OIT3: variants seen among roughly 807,000 people sequenced by gnomAD.
OIT3 encodes oncoprotein induced transcript 3, also known as oncoprotein-induced transcript 3 protein.
A neutral mutation model predicts 52.2 loss-of-function variants in OIT3; 41 were observed. The observed-to-expected ratio is 0.79, with a 90% CI of 0.61 to 1.02. The LOEUF (loss-of-function observed/expected upper bound fraction) is 1.02. Among genes scored for constraint, OIT3 ranks in the 50% least tolerant of loss-of-function variants. The pLI, the probability that OIT3 is intolerant of heterozygous loss-of-function variation, is 0.00. For synonymous variants in OIT3, 244 were observed against 276.9 expected (o/e 0.88, Z 1.18); for missense variants, 634 against 715.5 (o/e 0.89, Z 1.30).
chr10:72,924,224 C>A lies in OIT3; in HGVS notation c.952-5C>A. On this transcript the variant is annotated splice_polypyrimidine_tract_variant and splice_region_variant and intron_variant, in intron 6 of 8. Coordinates refer to ENST00000334011, the MANE Select transcript of OIT3 (RefSeq NM_152635.3). ...CTTTCCTCTCCTCACCCTGGCCTGG[C>A]TCAGGTGGTGAATGACAAGATTGTG... 6.3e-7 allele frequency: 1 copy of A among 1,584,914 alleles called. No homozygotes were observed. Among genetic ancestry groups the A allele is most frequent in the Non-Finnish European group, 8.6e-7 (1 of 1,161,978 alleles).
At chr10:72,901,608 T>TTGTA (rs766578144) in intron 3 of OIT3, among the ~76,000 whole-genome samples, 6 of 152,004 alleles carry the variant, frequency 3.9e-5, no homozygotes, top group Non-Finnish European at 7.4e-5. Context: ...TTATTGGTTT[T>TTGTA]TGTTTGTTTG....
intron 4 of OIT3, among the ~76,000 whole-genome samples, chr10:72,907,238 A>C (rs1589523176): frequency 6.6e-6 from 1 of 152,052 alleles, no homozygotes; most frequent in Non-Finnish European, 1.5e-5. Context: ...GCGCCACTGC[A>C]CTCCAGCCTG....
At position 72,915,240 on chromosome 10, in the gene OIT3, T is replaced by C. The variant is rs193191783; in HGVS notation, c.951+1772T>C. On this transcript the variant is annotated intron_variant, in intron 6 of 8. Coordinates refer to ENST00000334011, the MANE Select transcript of OIT3 (RefSeq NM_152635.3). ...AGCTAGGCGGTATAATACCAATAGT[T>C]AGAATATAAAGCCATGTATAATAAT... Among the ~76,000 whole-genome samples the C allele has an allele frequency of 1.5e-4, 23 of 152,272 alleles. No homozygotes were observed. In the East Asian group the frequency reaches 4.0e-3, roughly 27 times the overall value.
intron 4 of OIT3, 88 bp from the exon 5 acceptor site, chr10:72,911,629 G>A (rs1366482794): frequency 8.4e-6 from 12 of 1,425,850 alleles, no homozygotes; most frequent in African/African-American, 1.4e-5. Flanking sequence ...GCTGCCATAA[G>A]TTAAGTATAA....
At chr10:72,932,319 A>G (rs1423967613) in intron 8 of OIT3, 35 bp from the exon 9 acceptor site, 1 of 1,602,752 alleles carries the variant, frequency 6.2e-7, no homozygotes, top group South Asian at 1.1e-5. Flanking sequence ...GGCAGCAGTT[A>G]TTGTTTTTAT....
chr10:72,915,843 C>T (rs935354842), intron 6 of OIT3, among the ~76,000 whole-genome samples: 7 of 152,192 alleles, frequency 4.6e-5, no homozygotes, highest in Non-Finnish European at 8.8e-5. Flanking sequence ...TGGGAATGTG[C>T]CACTGTGCAC....
intron 7 of OIT3, among the ~76,000 whole-genome samples, chr10:72,927,370 C>A (rs1489850412): frequency 1.3e-5 from 2 of 152,174 alleles, no homozygotes; most frequent in Non-Finnish European, 2.9e-5. Flanking sequence ...GAACTCCTGA[C>A]CTCAGGTGAT....
intron 6 of OIT3, among the ~76,000 whole-genome samples, chr10:72,918,852 A>G (rs1389564499): frequency 6.6e-6 from 1 of 152,102 alleles, no homozygotes; most frequent in East Asian, 1.9e-4. Flanking sequence ...TTGTACCAAT[A>G]CCATGCTGTT....
intron 7 of OIT3, among the ~76,000 whole-genome samples, chr10:72,925,288 G>A (rs534263084): frequency 2.6e-5 from 4 of 152,316 alleles, no homozygotes; most frequent in African/African-American, 7.2e-5. Context: ...CCTGCAGGAT[G>A]TCTAGGAAGA....
chr10:72,911,930 G>C (rs771452535), intron 5 of OIT3, 91 bp downstream of exon 5: 8 of 1,208,430 alleles, frequency 6.6e-6, no homozygotes, highest in Non-Finnish European at 9.1e-6. Flanking sequence ...AGTGTGTCAG[G>C]GTTCTCATCT....
chr10:72,911,855 G>A lies in OIT3; in HGVS notation c.790+16G>A. On this transcript the variant is annotated intron_variant, in intron 5 of 8. Coordinates refer to ENST00000334011, the MANE Select transcript of OIT3 (RefSeq NM_152635.3). Reference sequence around the variant, plus strand: ...ACTTGCCAAGGTAGTACATGGGGCAGGGGGACTTGTCTCTACTCTGATTAC... The same window carrying A: ...ACTTGCCAAGGTAGTACATGGGGCAAGGGGACTTGTCTCTACTCTGATTAC... The A allele has an allele frequency of 6.2e-7, 1 of 1,606,980 alleles. No individual in the cohort carries two copies. Among genetic ancestry groups the A allele is most frequent in the Non-Finnish European group, 8.5e-7 (1 of 1,176,830 alleles).
In OIT3 at chr10:72,932,665, T is replaced by G; in HGVS notation, c.*141T>G. 2.8e-6 allele frequency: 2 copies of G among 707,316 alleles called. No individual in the cohort carries two copies. Among genetic ancestry groups the G allele is most frequent in the Non-Finnish European group, 4.6e-6 (2 of 437,514 alleles). 43.8% of individuals were successfully genotyped at this position (707,316 alleles called of 1,614,324 possible). A position where few individuals can be genotyped will look rare whatever the true frequency, so the allele number is the denominator to read the frequency against. ...TCAGACTCCCAGCACCAACTCACTCTGATTCTGGTCCATTCAGTGGGCACA... is the reference window on the plus strand; with the variant it reads ...TCAGACTCCCAGCACCAACTCACTCGGATTCTGGTCCATTCAGTGGGCACA... On this transcript the variant is annotated 3_prime_UTR_variant, in exon 9 of 9. Coordinates refer to ENST00000334011, the MANE Select transcript of OIT3 (RefSeq NM_152635.3).
At chr10:72,914,076 G>A (rs79368239) in intron 6 of OIT3, among the ~76,000 whole-genome samples, 62 of 152,286 alleles carry the variant, frequency 4.1e-4, no homozygotes, top group African/African-American at 1.3e-3. Context: ...GTGGGACTTG[G>A]ATCCAGGTGG....
intron 2 of OIT3, among the ~76,000 whole-genome samples, chr10:72,899,691 A>AAGAT (rs1189592013): frequency 5.3e-4 from 78 of 147,638 alleles, no homozygotes; most frequent in African/African-American, 1.9e-3. Flanking sequence ...ACCCCTTTTT[A>AAGAT]AGATAGATAG....
intron 6 of OIT3, 47 bp downstream of exon 6, chr10:72,913,515 AT>A (rs1846048982): frequency 6.7e-7 from 1 of 1,498,520 alleles, no homozygotes; most frequent in Non-Finnish European, 9.2e-7. Context: ...AAAGCCGGTT[AT>A]TTGGGAGGCA....
At chr10:72,910,152 T>C (rs1258404071) in intron 4 of OIT3, among the ~76,000 whole-genome samples, 2 of 152,200 alleles carry the variant, frequency 1.3e-5, no homozygotes, top group Non-Finnish European at 2.9e-5. Flanking sequence ...TGAATGAACA[T>C]TTAGTGCAAC....
chr10:72,900,516 A>G (rs1235408988), intron 3 of OIT3, 32 bp downstream of exon 3: 1 of 1,215,802 alleles, frequency 8.2e-7, no homozygotes, highest in Non-Finnish European at 1.2e-6. Context: ...GAATCAGGCT[A>G]TTAGGATCGA....
At chr10:72,918,544 G>GCA in intron 6 of OIT3, 3 of 1,324,030 alleles carry the variant, frequency 2.3e-6, no homozygotes, top group Non-Finnish European at 3.2e-6. Flanking sequence ...TCGGGTGGCG[G>GCA]CACACACTTA....
intron 7 of OIT3, among the ~76,000 whole-genome samples, chr10:72,927,477 G>A (rs529501740): frequency 6.6e-5 from 10 of 152,254 alleles, no homozygotes; most frequent in South Asian, 2.1e-4. Context: ...AAGAAGCTGC[G>A]CTATTTATTT....
Sources: allele counts gnomAD v4.1 joint callset (sites outside exome capture counted in the v4.1 genomes callset), GRCh38; gene constraint gnomAD v4.1.1; transcripts MANE v1.5; gene names NCBI Gene and HGNC (gene_info 2026-07-23, HGNC 2026-07-21).